Variants in UBP1 observed in about 807,000 individuals in gnomAD.
The protein encoded by UBP1 is upstream-binding protein 1.
UBP1 carries 22 observed loss-of-function variants against 76.1 expected under a neutral mutation model. The observed-to-expected ratio is 0.29, with a 90% confidence interval of 0.21 to 0.41. The LOEUF is 0.41. Ranked by LOEUF, UBP1 falls within the 10% of genes least tolerant of loss-of-function variation. The probability of loss-of-function intolerance (pLI) is 1.00; values close to 1 mark genes in which losing one functional copy is unlikely to be tolerated. For missense variants in UBP1, 436 were observed against 668.1 expected, an observed-to-expected ratio of 0.65 and a Z score of 3.83; for synonymous variants, 224 against 237.1, an observed-to-expected ratio of 0.94 and a Z score of 0.51.
chr3:33,401,706 G>C (rs1041940703), intron 9 of UBP1, among the ~76,000 whole-genome samples: 4 of 152,132 alleles, frequency 2.6e-5, no homozygotes, highest in African/African-American at 9.7e-5. Flanking sequence ...CTTCAGACGG[G>C]GGTCTGTCTG....
At position 33,397,029 on chromosome 3, in the gene UBP1, G is replaced by A; in HGVS notation, c.1271+16C>T. 6.3e-7 allele frequency: 1 copy of A among 1,580,642 alleles called. No individual in the cohort carries two copies. Among genetic ancestry groups the A allele is most frequent in the South Asian group, 1.2e-5 (1 of 86,646 alleles). On this transcript the variant is annotated intron_variant, in intron 12 of 15. Transcript: ENST00000283629. ...GTACATTCTTATTTCAAGCAAAACAGTTCACAGTATTTTACCTTGACTTCA... is the reference window on the plus strand; with the variant it reads ...GTACATTCTTATTTCAAGCAAAACAATTCACAGTATTTTACCTTGACTTCA...
At chr3:33,436,912 GT>G (rs2045213177) in intron 1 of UBP1, among the ~76,000 whole-genome samples, 1 of 152,120 alleles carries the variant, frequency 6.6e-6, no homozygotes, top group African/African-American at 2.4e-5. Context: ...AAGAAAAGGA[GT>G]GGTCTAGACT....
In UBP1 at chr3:33,393,421, G is replaced by A. The variant is rs2043844482; in HGVS notation, c.1424C>T (p.Ala475Val). 4 of 1,611,436 alleles carry A rather than the reference G, an allele frequency of 2.5e-6. No individual in the cohort carries two copies. The African/African-American group carries it at 5.4e-5, about 22-fold the overall frequency. ...CGCAAGTTTTCGAGCAACTTCTGAG[G>A]CAATCATTTCTTCCAAGTAGATTGC... is the stretch of plus-strand genomic sequence containing the variant. ...YHAIYLEEMIASEVARKLALV... is the reference protein window; with the variant it reads ...YHAIYLEEMIVSEVARKLALV... The change falls in exon 14 of 16, where the codon GCC (alanine) becomes GTC (valine). Residue 475 changes from alanine (A) to valine (V), a missense_variant. Around this residue, in one of 3 missense-constraint regions of UBP1, gnomAD observed 210 missense variants for 272.8 expected, o/e 0.77. Transcript: ENST00000283629.
At chr3:33,392,217 T>C in intron 15 of UBP1, 1 of 200,494 alleles carries the variant, frequency 5.0e-6, no homozygotes, top group Non-Finnish European at 1.0e-5. Context: ...ATTTTGTGTA[T>C]CTCTTGGCCA....
Position 33,388,914 on chromosome 3 carries a change from G to A in UBP1, c.*1417C>T, listed in dbSNP as rs945146611. ...CAAAATTACTCATTTCCTATTTTTT[G>A]CCTGAACACAATGAGGATCAAATAG... On this transcript the variant is annotated 3_prime_UTR_variant, in exon 16 of 16. Transcript: ENST00000283629. 7.9e-5 allele frequency: 12 copies of A among 151,932 alleles called. No homozygotes were observed. The highest frequency in any genetic ancestry group is 1.8e-4 in the Non-Finnish European group (12 of 67,992). 9.4% of individuals were successfully genotyped at this position (151,932 alleles called of 1,614,324 possible). A position where few individuals can be genotyped will look rare whatever the true frequency, so the allele number is the denominator to read the frequency against.
chr3:33,400,850 T>C, intron 10 of UBP1, 112 bp downstream of exon 10: 1 of 1,013,780 alleles, frequency 9.9e-7, no homozygotes. Context: ...TACCACACAT[T>C]ACCATACATG....
rs188424051 is a variant in UBP1, at chr3:33,429,357, T to A, written c.114-3616A>T. On this transcript the variant is annotated intron_variant, in intron 1 of 15. Coordinates refer to ENST00000283629, the MANE Select transcript of UBP1 (RefSeq NM_014517.5). ...CTAAAAGTAGGGTGTTTCTTTATTTTTTTTTTTTTAAGACAGGGTCTGGCT... is the reference window on the plus strand; with the variant it reads ...CTAAAAGTAGGGTGTTTCTTTATTTATTTTTTTTTAAGACAGGGTCTGGCT... Among the ~76,000 whole-genome samples, 9 of 152,220 alleles carry A rather than the reference T, an allele frequency of 5.9e-5. No homozygotes were observed. In the East Asian group the frequency reaches 1.7e-3, roughly 29 times the overall value.
rs2043702500 is a variant in UBP1 at position 33,390,248 on chromosome 3, T to C, written c.*83A>G. On this transcript the variant is annotated 3_prime_UTR_variant, in exon 16 of 16. Transcript: ENST00000283629. Reference sequence around the variant, plus strand: ...AAACATTTCATATGGTAAAATCCAATCCCAAGACTTCTTGGATTCAGTCTT... The same window carrying C: ...AAACATTTCATATGGTAAAATCCAACCCCAAGACTTCTTGGATTCAGTCTT... The C allele has an allele frequency of 7.2e-7, 1 of 1,384,470 alleles. No individual in the cohort carries two copies. Among genetic ancestry groups the C allele is most frequent in the Non-Finnish European group, 1.0e-6 (1 of 985,322 alleles). 85.8% of individuals were successfully genotyped at this position (1,384,470 alleles called of 1,614,324 possible).
intron 1 of UBP1, among the ~76,000 whole-genome samples, chr3:33,437,504 G>C: frequency 6.6e-6 from 1 of 152,158 alleles, no homozygotes; most frequent in East Asian, 1.9e-4. Context: ...CCTAAGAGAA[G>C]TCTTTTAAGA....
intron 1 of UBP1, among the ~76,000 whole-genome samples, chr3:33,432,037 G>C (rs2045122743): frequency 6.6e-6 from 1 of 151,998 alleles, no homozygotes; most frequent in Non-Finnish European, 1.5e-5. Flanking sequence ...TCCAAAGAAA[G>C]TTAAAACTGG....
At chr3:33,402,307 T>C (rs1388309345) in intron 9 of UBP1, among the ~76,000 whole-genome samples, 3 of 152,162 alleles carry the variant, frequency 2.0e-5, no homozygotes, top group African/African-American at 7.2e-5. Flanking sequence ...GAGTCCACCA[T>C]TTCCATTTCT....
At chr3:33,391,206 A>G (rs1343444169) in intron 15 of UBP1, 2 of 152,208 alleles carry the variant, frequency 1.3e-5, no homozygotes, top group Non-Finnish European at 2.9e-5. Flanking sequence ...TAAAATCAGT[A>G]TTTCAGTAGT....
chr3:33,440,992 G>A (rs1205196995), upstream of UBP1: 2 of 152,260 alleles, frequency 1.3e-5, no homozygotes, highest in Non-Finnish European at 2.9e-5. Context: ...CAACGCTCCT[G>A]AGAAAGAGCT....
At chr3:33,423,940 T>C (rs2044963439) in intron 2 of UBP1, among the ~76,000 whole-genome samples, 1 of 152,256 alleles carries the variant, frequency 6.6e-6, no homozygotes, top group Non-Finnish European at 1.5e-5. Flanking sequence ...TGATAAATTA[T>C]GGGCATTCCC....
At chr3:33,408,908 ATTC>A in intron 7 of UBP1, 111 bp from the exon 8 acceptor site, 1 of 1,046,830 alleles carries the variant, frequency 9.6e-7, no homozygotes, top group Admixed American at 2.5e-5. Flanking sequence ...GACTAACAGG[ATTC>A]AAAGTTAAAA....
chr3:33,407,196 A>G (rs531241314), intron 8 of UBP1, among the ~76,000 whole-genome samples: 2 of 152,342 alleles, frequency 1.3e-5, no homozygotes, highest in African/African-American at 4.8e-5. Context: ...GCAGTAAGCA[A>G]TACATGAGGA....
At chr3:33,425,872 T>TTTTTTTAA in intron 1 of UBP1, 131 bp from the exon 2 acceptor site, 2 of 748,564 alleles carry the variant, frequency 2.7e-6, no homozygotes, top group South Asian at 3.9e-5. Context: ...ATAGTTTTTT[T>TTTTTTTAA]TTTAAGATCA....
At chr3:33,390,410 G>C in intron 15 of UBP1, 42 bp from the exon 16 acceptor site, 2 of 1,610,444 alleles carry the variant, frequency 1.2e-6, no homozygotes, top group South Asian at 1.1e-5. Context: ...GTCAGGCTTA[G>C]GAAATTAAGC....
chr3:33,418,151 A>G (rs2154058361), intron 2 of UBP1, among the ~76,000 whole-genome samples: 1 of 152,376 alleles, frequency 6.6e-6, no homozygotes, highest in South Asian at 2.1e-4. Flanking sequence ...TGAAAAATAC[A>G]CCATTTATGT....
Sources: allele counts gnomAD v4.1 joint callset (sites outside exome capture counted in the v4.1 genomes callset), GRCh38; gene constraint gnomAD v4.1.1; regional missense constraint gnomAD v4.1.1; transcripts MANE v1.5; gene names NCBI Gene and HGNC (gene_info 2026-07-23, HGNC 2026-07-21).